Variants in SH3BGRL observed in about 807,000 individuals in gnomAD.
SH3BGRL encodes the protein SH3 domain binding glutamate rich protein like, also known as adapter SH3BGRL.
SH3BGRL carries 7 observed loss-of-function variants against 9.8 expected under a neutral mutation model. The observed-to-expected ratio is 0.72, with a 90% confidence interval of 0.41 to 1.35. SH3BGRL has a LOEUF of 1.35. Ranked by LOEUF, SH3BGRL falls within the 40% of genes most tolerant of loss-of-function variation. The pLI is 0.01. For missense variants in SH3BGRL, 73 were observed against 84.4 expected (o/e 0.86, Z 0.53); for synonymous variants, 36 against 29.1 (o/e 1.24, Z -0.76).
At chrX:81,294,133 A>G (rs1162640121) in intron 3 of SH3BGRL, among the ~76,000 whole-genome samples, 1 of 111,777 alleles carries the variant, frequency 8.9e-6, no homozygotes, top group African/African-American at 3.3e-5. Context: ...AGAAAAGAAA[A>G]GCCCATTTTC....
At chrX:81,290,082 G>A (rs1275224756) in intron 3 of SH3BGRL, among the ~76,000 whole-genome samples, 2 of 111,654 alleles carry the variant, frequency 1.8e-5, no homozygotes, top group African/African-American at 6.5e-5. Flanking sequence ...AATAATACAT[G>A]CTGGTAAGGA....
intron 1 of SH3BGRL, among the ~76,000 whole-genome samples, chrX:81,268,184 T>A (rs2147705516): frequency 9.0e-6 from 1 of 111,426 alleles, no homozygotes; most frequent in South Asian, 3.7e-4. Flanking sequence ...TCCACTAATT[T>A]TTTTTTGAAG....
intron 1 of SH3BGRL, among the ~76,000 whole-genome samples, chrX:81,215,731 T>C (rs2075579369): frequency 9.0e-6 from 1 of 111,707 alleles, no homozygotes; most frequent in South Asian, 3.7e-4. Flanking sequence ...GATCTTCTTA[T>C]TGAATGACAG....
chrX:81,224,826 T>G (rs2147675302), intron 1 of SH3BGRL, among the ~76,000 whole-genome samples: 1 of 111,646 alleles, frequency 9.0e-6, no homozygotes, highest in South Asian at 3.7e-4. Context: ...TGTTGTTGTT[T>G]TTGTCAATAG....
chrX:81,242,930 T>A (rs1281892946), intron 1 of SH3BGRL, among the ~76,000 whole-genome samples: 1 of 111,813 alleles, frequency 8.9e-6, no homozygotes, highest in Non-Finnish European at 1.9e-5. Context: ...CCCCATACAC[T>A]GTTGGTGGGA....
chrX:81,235,665 C>T (rs1258415668), intron 1 of SH3BGRL, among the ~76,000 whole-genome samples: 1 of 111,405 alleles, frequency 9.0e-6, no homozygotes, highest in Non-Finnish European at 1.9e-5. Context: ...CCTGGTATAA[C>T]AAAATAAGGT....
Position 81,202,699 on chromosome X carries a change from C to G in SH3BGRL, c.45+454C>G, listed in dbSNP as rs7060360. On this transcript the variant is annotated intron_variant, in intron 1 of 3. Transcript: ENST00000373212. ...TGGTGGGGATTGAGTGGAGGCCTAC[C>G]GAGGCATTGTAATTATTCTGGGTGA... The G allele has an allele frequency of 6.3e-3, 1,826 of 289,659 alleles. 42 individuals are homozygous for G. The highest frequency in any genetic ancestry group is 0.051 in the African/African-American group (1,730 of 33,694). 23.9% of individuals were successfully genotyped at this position (289,659 alleles called of 1,213,427 possible). A position where few individuals can be genotyped will look rare whatever the true frequency, so the allele number is the denominator to read the frequency against.
At chrX:81,265,313 A>G (rs1480364924) in intron 1 of SH3BGRL, among the ~76,000 whole-genome samples, 1 of 107,762 alleles carries the variant, frequency 9.3e-6, no homozygotes, top group Non-Finnish European at 1.9e-5. Flanking sequence ...TGCACCCATC[A>G]ACCGGTCACC....
At chrX:81,247,508 A>C (rs933170313) in intron 1 of SH3BGRL, among the ~76,000 whole-genome samples, 2 of 111,736 alleles carry the variant, frequency 1.8e-5, no homozygotes, top group Admixed American at 9.5e-5. Context: ...GAGGGTTTTT[A>C]TCATGAAAAG....
chrX:81,269,667 A>G (rs897001237), intron 1 of SH3BGRL, among the ~76,000 whole-genome samples: 2 of 110,223 alleles, frequency 1.8e-5, no homozygotes, highest in African/African-American at 3.3e-5. Flanking sequence ...CTTCATTTCA[A>G]CCTTGGTGAA....
intron 1 of SH3BGRL, among the ~76,000 whole-genome samples, chrX:81,213,376 AT>A (rs1206616985): frequency 8.9e-6 from 1 of 112,558 alleles, no homozygotes; most frequent in African/African-American, 3.2e-5. Flanking sequence ...TAGTAAAAAT[AT>A]ATAGCAATTT....
At chrX:81,252,258 A>G (rs2075713136) in intron 1 of SH3BGRL, among the ~76,000 whole-genome samples, 1 of 111,944 alleles carries the variant, frequency 8.9e-6, no homozygotes, top group Admixed American at 9.5e-5. Flanking sequence ...AATTTTAGAG[A>G]GTTTATAATG....
chrX:81,212,772 C>T (rs907463983), intron 1 of SH3BGRL, among the ~76,000 whole-genome samples: 6 of 111,599 alleles, frequency 5.4e-5, no homozygotes, highest in Admixed American at 1.9e-4. Flanking sequence ...CCAGGGACTG[C>T]TTGGGACAGG....
In SH3BGRL at chrX:81,266,495, T is replaced by C. The variant is rs1247803417; in HGVS notation, c.46-10489T>C. Among the ~76,000 whole-genome samples, 6 of 112,015 alleles carry C rather than the reference T, an allele frequency of 5.4e-5. No homozygotes were observed. The East Asian group carries it at 1.7e-3, about 31-fold the overall frequency. On this transcript the variant is annotated intron_variant, in intron 1 of 3. Coordinates refer to ENST00000373212, the MANE Select transcript of SH3BGRL (RefSeq NM_003022.3). The stretch of plus-strand genomic sequence containing the variant: ...CCTCATTGCTTGCGTGTGTCAGATT[T>C]ATCGAAGATCAGATGGTTGTAGATG...
intron 1 of SH3BGRL, among the ~76,000 whole-genome samples, chrX:81,265,130 G>A (rs925937306): frequency 3.7e-5 from 4 of 106,667 alleles, no homozygotes; most frequent in East Asian, 3.0e-4. Context: ...AAGCCTTAAC[G>A]TGTTTTTAGA....
intron 1 of SH3BGRL, among the ~76,000 whole-genome samples, chrX:81,234,122 G>C (rs748936964): frequency 1.8e-5 from 2 of 111,066 alleles, no homozygotes; most frequent in African/African-American, 6.5e-5. Context: ...TTTTTCACAG[G>C]CTATCTCGAG....
intron 1 of SH3BGRL, among the ~76,000 whole-genome samples, chrX:81,229,461 C>T (rs1221963600): frequency 9.0e-6 from 1 of 111,625 alleles, no homozygotes; most frequent in African/African-American, 3.3e-5. Flanking sequence ...CCAGAAGAAT[C>T]GGATCACATG....
chrX:81,266,241 G>C (rs779830023), intron 1 of SH3BGRL, among the ~76,000 whole-genome samples: 29 of 111,529 alleles, frequency 2.6e-4, no homozygotes, highest in Non-Finnish European at 4.1e-4. Flanking sequence ...TGTTGCCATT[G>C]CTTTTGGTGT....
rs180836453 is a variant in SH3BGRL, at chrX:81,226,492, A to T, written c.45+24247A>T. Among the ~76,000 whole-genome samples the T allele has an allele frequency of 6.9e-3, 679 of 97,864 alleles. 4 individuals are homozygous for T. The highest frequency in any genetic ancestry group is 0.024 in the African/African-American group (573 of 24,220). 85.0% of individuals were successfully genotyped at this position (97,864 alleles called of 115,157 possible). A position where few individuals can be genotyped will look rare whatever the true frequency, so the allele number is the denominator to read the frequency against. On this transcript the variant is annotated intron_variant, in intron 1 of 3. Coordinates refer to ENST00000373212, the MANE Select transcript of SH3BGRL (RefSeq NM_003022.3). ...CTTCAGTGTAGTCTTGGATATATTT[A>T]TATATATATATATATCTATATATAT... is the stretch of plus-strand genomic sequence containing the variant.
Sources: allele counts gnomAD v4.1 joint callset (sites outside exome capture counted in the v4.1 genomes callset), GRCh38; gene constraint gnomAD v4.1.1; transcripts MANE v1.5; gene names NCBI Gene and HGNC (gene_info 2026-07-23, HGNC 2026-07-21).